The following EML6 variants were observed in gnomAD, a reference collection of about 807,000 sequenced individuals.
The protein encoded by EML6 is EMAP like 6, also known as echinoderm microtubule-associated protein-like 6.
EML6 carries 154 observed loss-of-function variants against 240.1 expected under a neutral mutation model. That is an observed-to-expected ratio of 0.64 (90% CI 0.56 to 0.73). The LOEUF (loss-of-function observed/expected upper bound fraction) is 0.73. Among genes scored for constraint, EML6 ranks in the 30% least tolerant of loss-of-function variants. EML6 has a pLI of 0.00. For synonymous variants in EML6, 1,148 were observed against 899.0 expected (o/e 1.28, Z -4.95); for missense variants, 2,964 against 2,474.6 (o/e 1.20, Z -4.20).
At chr2:54,738,508 C>G (rs544134761) in intron 2 of EML6, among the ~76,000 whole-genome samples, 1 of 152,322 alleles carries the variant, frequency 6.6e-6, no homozygotes, top group East Asian at 1.9e-4. Flanking sequence ...CACCTGTAAC[C>G]TTGCTCACAT....
chr2:54,736,455 G>A (rs920285873), intron 2 of EML6, among the ~76,000 whole-genome samples: 3 of 152,058 alleles, frequency 2.0e-5, no homozygotes, highest in Admixed American at 6.5e-5. Context: ...TCTGGGCCTC[G>A]GTTTCCTCAT....
Position 54,894,994 on chromosome 2 carries a change from T to C in EML6, c.2822T>C (p.Ile941Thr), listed in dbSNP as rs369683148. 5.5e-5 allele frequency: 86 copies of C among 1,551,380 alleles called. No individual in the cohort carries two copies. Among genetic ancestry groups the C allele is most frequent in the Non-Finnish European group, 7.4e-5 (85 of 1,146,734 alleles). Residue 941 changes from isoleucine (I) to threonine (T), a missense_variant, in exon 20 of 42, where the codon ATT becomes ACT. Physicochemically the swap from Ile to Thr is moderately conservative, Grantham distance 89 (BLOSUM62 -1). Coordinates refer to ENST00000356458, the MANE Select transcript of EML6 (RefSeq NM_001039753.4). ...GAAAGATGTTTGAAGACTTATGCCA[T>C]TAAAAGATCAGCATTGTCGACTAGC... is the stretch of plus-strand genomic sequence containing the variant. ...MFERCLKTYAIKRSALSTSSK... is the reference protein window; with the variant it reads ...MFERCLKTYATKRSALSTSSK...
chr2:54,837,296 T>A (rs546991795), intron 7 of EML6, among the ~76,000 whole-genome samples: 1 of 151,386 alleles, frequency 6.6e-6, no homozygotes, highest in Admixed American at 6.6e-5. Context: ...TGAATCCTCA[T>A]TTTTTTTCCC....
intron 2 of EML6, among the ~76,000 whole-genome samples, chr2:54,726,796 TTTTGC>T (rs1209428750): frequency 6.6e-6 from 1 of 152,242 alleles, no homozygotes; most frequent in Non-Finnish European, 1.5e-5. Context: ...CCCATTATGT[TTTTGC>T]TCTCTCTGTC....
chr2:54,756,018 C>G (rs1392291134), intron 2 of EML6, among the ~76,000 whole-genome samples: 1 of 152,070 alleles, frequency 6.6e-6, no homozygotes, highest in Non-Finnish European at 1.5e-5. Flanking sequence ...CTCTGCCATA[C>G]CATTTTTAAT....
At chr2:54,760,774 G>T (rs888461378) in intron 2 of EML6, among the ~76,000 whole-genome samples, 5 of 150,372 alleles carry the variant, frequency 3.3e-5, no homozygotes, top group Middle Eastern at 3.5e-3. Context: ...GATGGGAGGT[G>T]TACATGAGAT....
In EML6 at chr2:54,834,793, C is replaced by G. The variant is rs143011262; in HGVS notation, c.847+5316C>G. ...CTGCTTAGACTTGTCACTATCTCCACTGAACCTTCTCTGGTCAGGCCACCA... is the reference window on the plus strand; with the variant it reads ...CTGCTTAGACTTGTCACTATCTCCAGTGAACCTTCTCTGGTCAGGCCACCA... On this transcript the variant is annotated intron_variant, in intron 7 of 41. Transcript: ENST00000356458. Among the ~76,000 whole-genome samples, 930 of 152,378 alleles carry G rather than the reference C, an allele frequency of 6.1e-3. 7 individuals are homozygous for G. The highest frequency in any genetic ancestry group is 0.021 in the African/African-American group (880 of 41,582).
At chr2:54,837,711 A>C (rs1421228318) in intron 7 of EML6, among the ~76,000 whole-genome samples, 1 of 152,196 alleles carries the variant, frequency 6.6e-6, no homozygotes, top group Non-Finnish European at 1.5e-5. Context: ...GCAAGAACAC[A>C]CTAGGTGGAG....
At chr2:54,927,037 C>T (rs1674584717) in intron 26 of EML6, among the ~76,000 whole-genome samples, 1 of 152,242 alleles carries the variant, frequency 6.6e-6, no homozygotes, top group Non-Finnish European at 1.5e-5. Context: ...GCTGCAGCTG[C>T]TGTGACTGTC....
chr2:54,844,089 T>C lies in EML6; in HGVS notation c.890T>C (p.Leu297Pro), dbSNP rs1246082214. 1 of 1,551,434 alleles carries C rather than the reference T, an allele frequency of 6.4e-7. No individual in the cohort carries two copies. The highest frequency in any genetic ancestry group is 8.7e-7 in the Non-Finnish European group (1 of 1,146,890). The part of the protein sequence containing the change: ...RSVCWKADRL[L>P]AGTQDSEIFE... ...GTGTGCTGGAAAGCAGACCGCCTTC[T>C]AGCAGGGACCCAGGACAGTGAGATA... is the stretch of plus-strand genomic sequence containing the variant. Residue 297 changes from leucine to proline, a missense_variant, in exon 8 of 42, where the codon CTA (leucine) becomes CCA (proline). Coordinates refer to ENST00000356458, the MANE Select transcript of EML6 (RefSeq NM_001039753.4).
At chr2:54,889,084 GT>G (rs1470825674) in intron 17 of EML6, among the ~76,000 whole-genome samples, 1 of 152,034 alleles carries the variant, frequency 6.6e-6, no homozygotes, top group Non-Finnish European at 1.5e-5. Context: ...GTAAAACCTT[GT>G]CTTTGTTATA....
rs34352060 is a variant in EML6, at chr2:54,846,923, A to ATTTT, written c.1050-553_1050-550dup. Among the ~76,000 whole-genome samples the ATTTT allele has an allele frequency of 1.2e-4, 16 of 129,944 alleles. 4 individuals are homozygous for ATTTT. The highest frequency in any genetic ancestry group is 7.1e-4 in the Admixed American group (8 of 11,278). 85.2% of individuals were successfully genotyped at this position (129,944 alleles called of 152,430 possible). A position where few individuals can be genotyped will look rare whatever the true frequency, so the allele number is the denominator to read the frequency against. On this transcript the variant is annotated intron_variant, in intron 8 of 41. Transcript: ENST00000356458. ...AAAGTAATATTTTGTATGAAGTAGTATTTTTTTTTTTTTGGAGACAGGGCC... is the reference window on the plus strand; with the variant it reads ...AAAGTAATATTTTGTATGAAGTAGTATTTTTTTTTTTTTTTTTGGAGACAGGGCC...
chr2:54,952,598 C>G lies in EML6; in HGVS notation c.4218C>G (p.Ser1406Arg), dbSNP rs1676039356. The G allele has an allele frequency of 6.5e-7, 1 of 1,549,420 alleles. No individual in the cohort carries two copies. The highest frequency in any genetic ancestry group is 1.4e-5 in the African/African-American group (1 of 72,996). Reference sequence around the variant, plus strand: ...CCCATGATCTCTCTCCCCCAGGGAGCCAGAGCTTCTATCTGGAGCACACAG... The same window carrying G: ...CCCATGATCTCTCTCCCCCAGGGAGGCAGAGCTTCTATCTGGAGCACACAG... ...AGIVQNLSTG[S>R]QSFYLEHTDD... The change falls in exon 31 of 42, where the codon AGC becomes AGG. Residue 1406 changes from serine to arginine, a missense_variant. Transcript: ENST00000356458.
At chr2:54,902,269 C>T (rs1355119161) in intron 22 of EML6, among the ~76,000 whole-genome samples, 2 of 152,182 alleles carry the variant, frequency 1.3e-5, no homozygotes, top group East Asian at 1.9e-4. Context: ...CTCCTTTTCT[C>T]CATTTACCCC....
intron 19 of EML6, 145 bp downstream of exon 19, chr2:54,892,801 A>C: frequency 1.6e-6 from 1 of 616,558 alleles, no homozygotes; most frequent in African/African-American, 1.8e-5. Context: ...GTCAAGAGAC[A>C]ATAGGGAGGA....
At chr2:54,865,011 C>T (rs1670892665) in intron 13 of EML6, among the ~76,000 whole-genome samples, 1 of 152,092 alleles carries the variant, frequency 6.6e-6, no homozygotes, top group African/African-American at 2.4e-5. Context: ...TTGTCTGTGG[C>T]CATACAACCC....
At chr2:54,960,626 C>T (rs879892867) in intron 35 of EML6, among the ~76,000 whole-genome samples, 8 of 152,088 alleles carry the variant, frequency 5.3e-5, no homozygotes, top group Non-Finnish European at 1.2e-4. Flanking sequence ...TCTTACCTGG[C>T]ATATAGTCCC....
chr2:54,959,070 G>A (rs1676371167), intron 33 of EML6, 34 bp from the exon 34 acceptor site: 1 of 1,533,910 alleles, frequency 6.5e-7, no homozygotes, highest in Non-Finnish European at 8.8e-7. Flanking sequence ...GCTTGAGTGT[G>A]TTCCGGGTGT....
intron 17 of EML6, among the ~76,000 whole-genome samples, chr2:54,885,702 C>T (rs146605200): frequency 0.042 from 6,416 of 152,154 alleles, 470 homozygotes; most frequent in African/African-American, 0.14. Context: ...AGCTCCACCT[C>T]CCAGGTTCAC....
Sources: gnomAD v4.1 joint callset for allele counts (sites outside exome capture counted in the v4.1 genomes callset) on GRCh38, gnomAD v4.1.1 for gene constraint, MANE v1.5 for transcripts, NCBI Gene and HGNC (gene_info 2026-07-23, HGNC 2026-07-21) for gene names.